SPIRE2: variants seen among roughly 807,000 people sequenced by gnomAD.
SPIRE2 encodes protein spire homolog 2.
In SPIRE2, 76 loss-of-function variants were observed where a neutral mutation model predicts 80.7. The observed-to-expected ratio is 0.94, with a 90% CI of 0.78 to 1.14. The LOEUF is 1.14. Ranked by LOEUF, SPIRE2 falls within the 50% of genes most tolerant of loss-of-function variation. SPIRE2 has a pLI of 0.00. For missense variants in SPIRE2, 1,196 were observed against 1,015.3 expected (o/e 1.18, Z -2.42); for synonymous variants, 535 against 432.6 (o/e 1.24, Z -2.94).
chr16:89,844,128 C>T (rs573187747), intron 1 of SPIRE2, among the ~76,000 whole-genome samples: 2 of 151,416 alleles, frequency 1.3e-5, no homozygotes, highest in Admixed American at 1.3e-4. Context: ...ACTACAGGCA[C>T]CTGCCACCAC....
chr16:89,854,175 G>A (rs1323050963), intron 3 of SPIRE2, 111 bp from the exon 4 acceptor site: 6 of 987,090 alleles, frequency 6.1e-6, no homozygotes, highest in South Asian at 1.5e-5. Context: ...TCTCTTTTCC[G>A]GCTGGTCGAG....
In SPIRE2 at chr16:89,850,293, C is replaced by A; in HGVS notation, c.289-11C>A. ...GCAGTACCGCCCAGTGACCGCGCCC[C>A]TGTCCCGCAGACCGTGCAGTCCCTC... On this transcript the variant is annotated splice_polypyrimidine_tract_variant and intron_variant, in intron 2 of 14. Transcript: ENST00000378247. 1 of 1,600,450 alleles carries A rather than the reference C, an allele frequency of 6.2e-7. No homozygotes were observed. The highest frequency in any genetic ancestry group is 2.3e-5 in the East Asian group (1 of 44,430).
At chr16:89,836,252 G>A (rs1271193845) in intron 1 of SPIRE2, 1 of 456,004 alleles carries the variant, frequency 2.2e-6, no homozygotes, top group Admixed American at 2.3e-5. Context: ...CCACCTGTCA[G>A]GGGTCAGCAC....
At chr16:89,849,400 G>C (rs932658479) in intron 2 of SPIRE2, among the ~76,000 whole-genome samples, 2 of 152,154 alleles carry the variant, frequency 1.3e-5, no homozygotes, top group African/African-American at 4.8e-5. Flanking sequence ...TCGAGGTGAG[G>C]TTGGTACGTG....
intron 2 of SPIRE2, among the ~76,000 whole-genome samples, chr16:89,847,850 C>T (rs1314709338): frequency 6.6e-6 from 1 of 152,242 alleles, no homozygotes; most frequent in East Asian, 1.9e-4. Context: ...TTTATGGACG[C>T]AGCCTTCAGA....
Position 89,828,594 on chromosome 16 carries a change from G to A in SPIRE2, c.44G>A (p.Gly15Glu), listed in dbSNP as rs1265475815. 26 of 1,207,986 alleles carry A rather than the reference G, an allele frequency of 2.2e-5. No homozygotes were observed. The highest frequency in any genetic ancestry group is 2.6e-5 in the Non-Finnish European group (25 of 970,458). 74.8% of individuals were successfully genotyped at this position (1,207,986 alleles called of 1,614,324 possible). A position where few individuals can be genotyped will look rare whatever the true frequency, so the allele number is the denominator to read the frequency against. ...GSCGGAAAGA[G>E]RPEPWELSLE... is the part of the protein sequence containing the mutation. The stretch of plus-strand genomic sequence containing the variant: ...TGCGGCGGCGCCGCGGCGGGCGCAG[G>A]GCGGCCGGAGCCCTGGGAGCTGTCC... The change falls in exon 1 of 15, where the codon GGG becomes GAG. Residue 15 changes from glycine (G) to glutamate (E), a missense_variant. Coordinates refer to ENST00000378247, the MANE Select transcript of SPIRE2 (RefSeq NM_032451.2). The surrounding 1 kb of genome is among the most constrained non-coding windows in gnomAD (Gnocchi z 5.9).
chr16:89,861,636 G>A (rs987836374), intron 10 of SPIRE2, among the ~76,000 whole-genome samples: 3 of 152,188 alleles, frequency 2.0e-5, no homozygotes, highest in Admixed American at 1.3e-4. Context: ...TTGGGACTCC[G>A]GCAGTGTCTT....
chr16:89,851,099 G>C (rs2041622776), intron 3 of SPIRE2, among the ~76,000 whole-genome samples: 1 of 152,150 alleles, frequency 6.6e-6, no homozygotes, highest in Non-Finnish European at 1.5e-5. Flanking sequence ...GGGATTACAG[G>C]CATGAGCCAC....
intron 2 of SPIRE2, chr16:89,845,928 G>A (rs1299594367): frequency 1.3e-5 from 5 of 392,016 alleles, no homozygotes; most frequent in African/African-American, 2.1e-5. Context: ...ATGGAGTCGC[G>A]CTCTGTCGCC....
rs2041830953 is a variant in SPIRE2 at position 89,870,521 on chromosome 16, G to A, written c.*249G>A. The A allele has an allele frequency of 2.2e-6, 1 of 446,576 alleles. No individual in the cohort carries two copies. The highest frequency in any genetic ancestry group is 4.0e-6 in the Non-Finnish European group (1 of 247,526). The allele number at this position is 446,576 out of a possible 1,614,324, so 27.7% of individuals were successfully genotyped here. A position where few individuals can be genotyped will look rare whatever the true frequency, so the allele number is the denominator to read the frequency against. On this transcript the variant is annotated 3_prime_UTR_variant, in exon 15 of 15. Transcript: ENST00000378247. ...GCCAGGGAGGAAGGGGAGGGAACAG[G>A]GTGGGTTTTCTCACTGAAGAGAGAA...
At position 89,860,764 on chromosome 16, in the gene SPIRE2, C is replaced by T; in HGVS notation, c.1544C>T (p.Ser515Phe). 3 of 1,559,896 alleles carry T rather than the reference C, an allele frequency of 1.9e-6. No homozygotes were observed. Among genetic ancestry groups the T allele is most frequent in the Non-Finnish European group, 2.6e-6 (3 of 1,154,576 alleles). The change falls in exon 10 of 15, where the codon TCC (serine) becomes TTC (phenylalanine). Residue 515 changes from serine (S) to phenylalanine (F), a missense_variant. Physicochemically the swap from Ser to Phe is radical, Grantham distance 155. Coordinates refer to ENST00000378247, the MANE Select transcript of SPIRE2 (RefSeq NM_032451.2). The stretch of plus-strand genomic sequence containing the variant: ...TCCTCGGGGGACAGACCCGAGGCCT[C>T]CATGACCCCCGATGCCAAACACCTG... ...RGSSGDRPEA[S>F]MTPDAKHLWL...
rs755192194 is a variant in SPIRE2, at chr16:89,860,723, A to T, written c.1503A>T (p.Leu501=). ...GTGTCTCTGACCCCAGCCACCCCCT[A>T]CTCAGCAACCGGGGCTCCTCGGGGG... is the stretch of plus-strand genomic sequence containing the variant. ...PASVSDPSHP[L]LSNRGSSGDR... The change falls in exon 10 of 15, where the codon CTA becomes CTT. Residue 501 remains leucine (L), a synonymous_variant. Transcript: ENST00000378247. 7 of 1,589,980 alleles carry T rather than the reference A, an allele frequency of 4.4e-6. No individual in the cohort carries two copies. The highest frequency in any genetic ancestry group is 1.4e-5 in the African/African-American group (1 of 73,838).
chr16:89,833,848 G>A (rs1388339778), intron 1 of SPIRE2, among the ~76,000 whole-genome samples: 2 of 152,182 alleles, frequency 1.3e-5, no homozygotes, highest in African/African-American at 2.4e-5. Flanking sequence ...CCTCCGGGGC[G>A]TGTTTCCCTG....
Position 89,871,070 on chromosome 16 carries a change from A to G in SPIRE2, c.*798A>G. ...CACTGCACTCCAGCCTGGGCGACAG[A>G]GCGAGACTCTGTCTCGAAAAAAAAA... On this transcript the variant is annotated 3_prime_UTR_variant, in exon 15 of 15. Coordinates refer to ENST00000378247, the MANE Select transcript of SPIRE2 (RefSeq NM_032451.2). 1 of 152,060 alleles carries G rather than the reference A, an allele frequency of 6.6e-6. No homozygotes were observed. The highest frequency in any genetic ancestry group is 1.9e-4 in the East Asian group (1 of 5,156). The allele number at this position is 152,060 out of a possible 1,614,324, so 9.4% of individuals were successfully genotyped here. A position where few individuals can be genotyped will look rare whatever the true frequency, so the allele number is the denominator to read the frequency against.
At chr16:89,837,542 G>A (rs1449211234) in intron 1 of SPIRE2, among the ~76,000 whole-genome samples, 2 of 152,196 alleles carry the variant, frequency 1.3e-5, no homozygotes, top group Admixed American at 6.5e-5. Flanking sequence ...TGTGACCAGC[G>A]GTGGGGTCCC....
At position 89,850,334 on chromosome 16, in the gene SPIRE2, C is replaced by G. The variant is rs779522111; in HGVS notation, c.319C>G (p.Arg107Gly). ...GCAGTCCCTCGGCTTCGCCATCTAC[C>G]GCGCGCTGGACTGGGGGCTGGACGA... ...TVQSLGFAIY[R>G]ALDWGLDESE... Residue 107 changes from arginine to glycine, a missense_variant, in exon 3 of 15, where the codon CGC becomes GGC. Transcript: ENST00000378247. 6.2e-7 allele frequency: 1 copy of G among 1,601,402 alleles called. No homozygotes were observed. The highest frequency in any genetic ancestry group is 8.5e-7 in the Non-Finnish European group (1 of 1,176,068).
chr16:89,866,543 C>A lies in SPIRE2; in HGVS notation c.1779-1646C>A, dbSNP rs150541995. On this transcript the variant is annotated intron_variant, in intron 12 of 14. Coordinates refer to ENST00000378247, the MANE Select transcript of SPIRE2 (RefSeq NM_032451.2). ...ACTCCCGACCTCAGGTGATCGCCCA[C>A]CTTGGCCTCCCAAAGTGCTGGGATT... Among the ~76,000 whole-genome samples, 320 of 152,280 alleles carry A rather than the reference C, an allele frequency of 2.1e-3. 2 individuals carry two copies. Among genetic ancestry groups the A allele is most frequent in the African/African-American group, 7.4e-3 (306 of 41,564 alleles).
chr16:89,860,559 T>C, intron 9 of SPIRE2, 124 bp from the exon 10 acceptor site: 2 of 659,568 alleles, frequency 3.0e-6, no homozygotes, highest in Non-Finnish European at 5.3e-6. Context: ...CCCGGCCGCT[T>C]CTCCCCTTGA....
rs2041669590 is a variant in SPIRE2, at chr16:89,854,550, G to C, written c.790G>C (p.Glu264Gln). The C allele has an allele frequency of 6.2e-7, 1 of 1,612,770 alleles. No homozygotes were observed. The highest frequency in any genetic ancestry group is 1.3e-5 in the African/African-American group (1 of 75,066). The change falls in exon 5 of 15, where the codon GAG becomes CAG. Residue 264 changes from glutamate (E) to glutamine (Q), a missense_variant. Transcript: ENST00000378247. ...RRGVKLKKVQ[E>Q]QEFNPLPTEF... ...CGGAGTGAAGCTGAAGAAGGTGCAA[G>C]AGCAGGAGTTCAACCCCCTCCCCAC...
Sources: allele counts gnomAD v4.1 joint callset (sites outside exome capture counted in the v4.1 genomes callset), GRCh38; gene constraint gnomAD v4.1.1; non-coding constraint Gnocchi (gnomAD v3.1); transcripts MANE v1.5; gene names NCBI Gene and HGNC (gene_info 2026-07-23, HGNC 2026-07-21).